The following RALYL variants were observed in gnomAD, a reference collection of about 807,000 sequenced individuals.
RALYL encodes RALY RNA binding protein like.
RALYL carries 29 observed loss-of-function variants against 35.1 expected under a neutral mutation model. The observed-to-expected ratio is 0.83, with a 90% CI of 0.61 to 1.13. The LOEUF (loss-of-function observed/expected upper bound fraction) is 1.13. Ranked by LOEUF, RALYL falls within the 50% of genes most tolerant of loss-of-function variation. The pLI is 0.00. For synonymous variants in RALYL, 120 were observed against 127.6 expected, an observed-to-expected ratio of 0.94 and a Z score of 0.40; for missense variants, 359 against 360.4, an observed-to-expected ratio of 1.00 and a Z score of 0.03.
At chr8:84,520,401 C>G (rs2058372106) in intron 1 of RALYL, among the ~76,000 whole-genome samples, 1 of 152,152 alleles carries the variant, frequency 6.6e-6, no homozygotes, top group Non-Finnish European at 1.5e-5. Flanking sequence ...ATGAATACTT[C>G]TTAGTGATAC....
intron 3 of RALYL, among the ~76,000 whole-genome samples, chr8:84,801,793 A>C (rs1032199943): frequency 6.6e-6 from 1 of 152,226 alleles, no homozygotes; most frequent in African/African-American, 2.4e-5. Flanking sequence ...GTTTGTGAAG[A>C]TCTTAAAAGT....
intron 2 of RALYL, among the ~76,000 whole-genome samples, chr8:84,585,987 G>C (rs1811908981): frequency 6.6e-6 from 1 of 152,070 alleles, no homozygotes; most frequent in Non-Finnish European, 1.5e-5. Flanking sequence ...ATGAGGTCAG[G>C]AGTGCAAGAC....
intron 1 of RALYL, among the ~76,000 whole-genome samples, chr8:84,521,459 A>G (rs1434917599): frequency 6.6e-6 from 1 of 152,160 alleles, no homozygotes; most frequent in Admixed American, 6.5e-5. Context: ...TTTATTCTCT[A>G]TTTTTGGCCT....
intron 2 of RALYL, among the ~76,000 whole-genome samples, chr8:84,592,035 A>G (rs1473849888): frequency 6.6e-6 from 1 of 152,100 alleles, no homozygotes; most frequent in African/African-American, 2.4e-5. Flanking sequence ...TATGTGCCCC[A>G]CACATGAGCA....
At chr8:84,825,327 T>C (rs114931904) in intron 4 of RALYL, among the ~76,000 whole-genome samples, 6,748 of 152,080 alleles carry the variant, frequency 0.044, 491 homozygotes, top group African/African-American at 0.15. Flanking sequence ...ATGGCTATTA[T>C]TAAAAAAAAT....
chr8:84,861,176 G>T (rs1180420236), intron 5 of RALYL, among the ~76,000 whole-genome samples: 2 of 151,746 alleles, frequency 1.3e-5, no homozygotes, highest in Non-Finnish European at 2.9e-5. Flanking sequence ...ATTTTATTCT[G>T]TCACAATAAA....
chr8:84,714,219 C>T (rs1842624059), intron 2 of RALYL, among the ~76,000 whole-genome samples: 1 of 151,622 alleles, frequency 6.6e-6, no homozygotes, highest in South Asian at 2.1e-4. Flanking sequence ...TTAACAGAAG[C>T]AGAGAGTAGA....
At chr8:84,567,255 A>G (rs1027536144) in intron 2 of RALYL, among the ~76,000 whole-genome samples, 30 of 151,794 alleles carry the variant, frequency 2.0e-4, no homozygotes, top group African/African-American at 6.3e-4. Context: ...GTCTAAATGC[A>G]TGTTCATTAC....
chr8:84,585,706 T>A (rs1396301495), intron 2 of RALYL, among the ~76,000 whole-genome samples: 2 of 152,158 alleles, frequency 1.3e-5, no homozygotes, highest in Non-Finnish European at 2.9e-5. Context: ...GCCCTTTTTT[T>A]ATACATTAAC....
intron 8 of RALYL, among the ~76,000 whole-genome samples, chr8:84,910,342 G>A (rs554356723): frequency 1.3e-5 from 2 of 152,186 alleles, no homozygotes; most frequent in Admixed American, 1.3e-4. Flanking sequence ...CTTCTACTCT[G>A]TTAGTCATAC....
At chr8:84,826,446 T>G (rs573236589) in intron 4 of RALYL, among the ~76,000 whole-genome samples, 6 of 152,276 alleles carry the variant, frequency 3.9e-5, no homozygotes, top group Non-Finnish European at 5.9e-5. Flanking sequence ...CCTGTTCTCC[T>G]GCTCTTGCTT....
At chr8:84,197,285 T>C (rs1214597906) in intron 1 of RALYL, among the ~76,000 whole-genome samples, 1 of 152,180 alleles carries the variant, frequency 6.6e-6, no homozygotes, top group African/African-American at 2.4e-5. Context: ...AACCCCGCAA[T>C]CTACACAGCC....
chr8:84,560,946 T>C (rs1294494338), intron 2 of RALYL, among the ~76,000 whole-genome samples: 1 of 152,080 alleles, frequency 6.6e-6, no homozygotes, highest in Admixed American at 6.6e-5. Context: ...GATTTTGTGA[T>C]TGTGCAGCAA....
At chr8:84,423,592 A>G (rs1385386812) in intron 1 of RALYL, among the ~76,000 whole-genome samples, 1 of 151,766 alleles carries the variant, frequency 6.6e-6, no homozygotes, top group Admixed American at 6.6e-5. Context: ...TCCTGTCATT[A>G]TGATTATAGC....
At chr8:84,840,868 A>G (rs1431007197) in intron 4 of RALYL, among the ~76,000 whole-genome samples, 1 of 152,206 alleles carries the variant, frequency 6.6e-6, no homozygotes, top group Non-Finnish European at 1.5e-5. Flanking sequence ...AGCCAAACTA[A>G]GCTTCATAAG....
At chr8:84,366,763 CA>C (rs1166208925) in intron 1 of RALYL, among the ~76,000 whole-genome samples, 1,224 of 56,528 alleles carry the variant, frequency 0.022, 3 homozygotes, top group East Asian at 0.064. Flanking sequence ...ATTTTTGTCT[CA>C]AAAAAAAAAA....
intron 1 of RALYL, among the ~76,000 whole-genome samples, chr8:84,464,732 G>C (rs373621713): frequency 6.6e-6 from 1 of 151,818 alleles, no homozygotes; most frequent in Non-Finnish European, 1.5e-5. Context: ...TTCCACAATG[G>C]TTGAACTAGT....
At chr8:84,427,170 A>T (rs1433581565) in intron 1 of RALYL, among the ~76,000 whole-genome samples, 1 of 152,232 alleles carries the variant, frequency 6.6e-6, no homozygotes, top group Non-Finnish European at 1.5e-5. Flanking sequence ...GAAACTAGCA[A>T]GTGTGTGCAT....
At chr8:84,881,352 A>T (rs1842147727) in intron 7 of RALYL, among the ~76,000 whole-genome samples, 1 of 151,998 alleles carries the variant, frequency 6.6e-6, no homozygotes, top group South Asian at 2.1e-4. Flanking sequence ...TGATTCAAGG[A>T]TACTAACTTG....
Sources: gnomAD v4.1 joint callset for allele counts (sites outside exome capture counted in the v4.1 genomes callset) on GRCh38, gnomAD v4.1.1 for gene constraint, MANE v1.5 for transcripts, NCBI Gene and HGNC (gene_info 2026-07-23, HGNC 2026-07-21) for gene names.